COL19A1: variants seen among roughly 807,000 people sequenced by gnomAD.
The protein encoded by COL19A1 is collagen type XIX alpha 1 chain.
COL19A1 carries 159 observed loss-of-function variants against 190.2 expected under a neutral mutation model. The observed-to-expected ratio is 0.84, with a 90% CI of 0.73 to 0.95. The LOEUF (loss-of-function observed/expected upper bound fraction) is 0.95. Among genes scored for constraint, COL19A1 ranks in the 40% least tolerant of loss-of-function variants. The pLI is 0.00. For synonymous variants in COL19A1, 509 were observed against 458.9 expected, an observed-to-expected ratio of 1.11 and a Z score of -1.39; for missense variants, 1,418 against 1,431.9, an observed-to-expected ratio of 0.99 and a Z score of 0.16.
At chr6:70,089,949 A>T (rs1782802085) in intron 15 of COL19A1, among the ~76,000 whole-genome samples, 1 of 152,292 alleles carries the variant, frequency 6.6e-6, no homozygotes, top group South Asian at 2.1e-4. Flanking sequence ...ATTCAGTTAC[A>T]TAAAATGTTA....
At chr6:70,175,095 A>G (rs1317930445) in intron 41 of COL19A1, among the ~76,000 whole-genome samples, 1 of 152,234 alleles carries the variant, frequency 6.6e-6, no homozygotes, top group Non-Finnish European at 1.5e-5. Flanking sequence ...TTGTAATTCA[A>G]AAGGAACAGA....
At chr6:70,059,657 C>T (rs1042204517) in intron 14 of COL19A1, 1 of 334,818 alleles carries the variant, frequency 3.0e-6, no homozygotes, top group Non-Finnish European at 6.1e-6. Flanking sequence ...AAAGAGGTAA[C>T]AGCCTTATGA....
chr6:70,123,261 C>T (rs1419966728), intron 17 of COL19A1, among the ~76,000 whole-genome samples: 4 of 152,012 alleles, frequency 2.6e-5, no homozygotes, highest in Admixed American at 2.6e-4. Context: ...CAGTGAGATA[C>T]CATCTCACAC....
At chr6:70,059,910 C>A in intron 14 of COL19A1, 2 of 328,328 alleles carry the variant, frequency 6.1e-6, no homozygotes, top group Non-Finnish European at 6.0e-6. Flanking sequence ...TTTTCATCAG[C>A]AAATTAAATT....
chr6:70,137,601 A>G, intron 18 of COL19A1, 84 bp from the exon 19 acceptor site: 1 of 1,249,178 alleles, frequency 8.0e-7, no homozygotes, highest in Admixed American at 1.7e-5. Flanking sequence ...TTAGCAGGAG[A>G]GCAAGCAATC....
At chr6:69,905,991 T>C (rs1297696861) in intron 4 of COL19A1, among the ~76,000 whole-genome samples, 1 of 152,176 alleles carries the variant, frequency 6.6e-6, no homozygotes, top group Admixed American at 6.5e-5. Flanking sequence ...TGTATACATA[T>C]TGAGAGCTAT....
At chr6:70,199,925 T>C (rs770841167) in intron 49 of COL19A1, 189 bp downstream of exon 49, 3 of 550,972 alleles carry the variant, frequency 5.4e-6, no homozygotes, top group South Asian at 2.1e-5. Context: ...TAGAAGTAGA[T>C]GTTTAACTAT....
intron 9 of COL19A1, among the ~76,000 whole-genome samples, chr6:69,952,173 G>T (rs750944516): frequency 6.6e-6 from 1 of 151,788 alleles, no homozygotes; most frequent in Non-Finnish European, 1.5e-5. Context: ...TATGCATATG[G>T]TTTTTCACCA....
chr6:69,952,108 T>G (rs1774159867), intron 9 of COL19A1, among the ~76,000 whole-genome samples: 1 of 151,894 alleles, frequency 6.6e-6, no homozygotes, highest in Non-Finnish European at 1.5e-5. Context: ...TATCTGACCC[T>G]AGGGATTCTG....
chr6:70,037,207 G>A (rs140541466), intron 14 of COL19A1, among the ~76,000 whole-genome samples: 1,694 of 152,244 alleles, frequency 0.011, 20 homozygotes, highest in African/African-American at 0.039. Context: ...CCAGGCTGGA[G>A]TACAGTGGCA....
intron 2 of COL19A1, among the ~76,000 whole-genome samples, chr6:69,893,051 C>G (rs147159435): frequency 2.2e-3 from 332 of 152,280 alleles, no homozygotes; most frequent in African/African-American, 7.7e-3. Context: ...TTATTAAAGG[C>G]CGTAAAAGGT....
chr6:70,092,288 A>G (rs1782977872), intron 15 of COL19A1, among the ~76,000 whole-genome samples: 2 of 152,070 alleles, frequency 1.3e-5, no homozygotes, highest in African/African-American at 4.8e-5. Flanking sequence ...TTTTCCTCCT[A>G]TCCCCATGAT....
intron 49 of COL19A1, among the ~76,000 whole-genome samples, chr6:70,201,701 C>CA (rs1369990082): frequency 6.6e-6 from 1 of 151,914 alleles, no homozygotes; most frequent in Non-Finnish European, 1.5e-5. Flanking sequence ...TAAAATTTAG[C>CA]AAAAAATAAA....
At chr6:70,137,538 G>A in intron 18 of COL19A1, 147 bp from the exon 19 acceptor site, 1 of 683,320 alleles carries the variant, frequency 1.5e-6, no homozygotes, top group South Asian at 2.2e-5. Flanking sequence ...AATAGCCTAA[G>A]TAGATTCAGA....
chr6:70,070,845 A>G (rs559333099), intron 15 of COL19A1, among the ~76,000 whole-genome samples: 14 of 152,232 alleles, frequency 9.2e-5, no homozygotes, highest in South Asian at 2.1e-4. Flanking sequence ...CTATTTCACT[A>G]AAGTTTGCAG....
Position 70,206,894 on chromosome 6 carries a change from C to T in COL19A1, c.3224-7C>T, listed in dbSNP as rs1474529041. ...GTGTGTCTCTTTTTTATATATTTCT[C>T]ACTTAGGCTACAGAGGACAGAAGGG... On this transcript the variant is annotated splice_region_variant and splice_polypyrimidine_tract_variant and intron_variant, in intron 49 of 50. Coordinates refer to ENST00000620364, the MANE Select transcript of COL19A1 (RefSeq NM_001858.6). 2 of 1,611,666 alleles carry T rather than the reference C, an allele frequency of 1.2e-6. No homozygotes were observed. Among genetic ancestry groups the T allele is most frequent in the South Asian group, 1.1e-5 (1 of 90,638 alleles).
At chr6:70,030,090 A>G (rs1471854949) in intron 12 of COL19A1, among the ~76,000 whole-genome samples, 2 of 152,176 alleles carry the variant, frequency 1.3e-5, no homozygotes, top group Non-Finnish European at 2.9e-5. Context: ...AGAATTAGGC[A>G]TCTGTGGGAA....
intron 4 of COL19A1, among the ~76,000 whole-genome samples, chr6:69,915,750 C>T (rs898516868): frequency 2.0e-5 from 3 of 152,080 alleles, no homozygotes; most frequent in Non-Finnish European, 2.9e-5. Context: ...AGTTACGTTA[C>T]CATTCTACTG....
Position 70,168,048 on chromosome 6 carries a change from C to T in COL19A1, c.2469C>T (p.Asn823=), listed in dbSNP as rs200667719. 107 of 1,595,976 alleles carry T rather than the reference C, an allele frequency of 6.7e-5. No individual in the cohort carries two copies. The highest frequency in any genetic ancestry group is 2.3e-4 in the Middle Eastern group (1 of 4,398). The stretch of plus-strand genomic sequence containing the variant: ...AGGGTATTCCATTTAATGAACGAAA[C>T]GGCATGAGCAGTTTATATAAAATTA... ...GPPGIPFNER[N]GMSSLYKIKG... Residue 823 remains asparagine (N), a synonymous_variant, in exon 38 of 51, where the codon AAC becomes AAT. Transcript: ENST00000620364.
Sources: gnomAD v4.1 joint callset for allele counts (sites outside exome capture counted in the v4.1 genomes callset) on GRCh38, gnomAD v4.1.1 for gene constraint, MANE v1.5 for transcripts, NCBI Gene and HGNC (gene_info 2026-07-23, HGNC 2026-07-21) for gene names.